Variants in RRN3 observed in about 807,000 individuals in gnomAD.
RRN3 encodes RNA polymerase I-specific transcription initiation factor RRN3.
RRN3 carries 38 observed loss-of-function variants against 82.3 expected under a neutral mutation model. The observed-to-expected ratio is 0.46, with a 90% CI of 0.36 to 0.61. RRN3 has a LOEUF of 0.61. Ranked by LOEUF, RRN3 falls within the 20% of genes least tolerant of loss-of-function variation. The pLI is 0.00. For synonymous variants in RRN3, 284 were observed against 284.3 expected (o/e 1.00, Z 0.01); for missense variants, 726 against 793.1 (o/e 0.92, Z 1.02).
intron 6 of RRN3, among the ~76,000 whole-genome samples, 159 bp downstream of exon 6, chr16:15,085,480 T>C (rs1056475074): frequency 6.6e-6 from 1 of 152,154 alleles, no homozygotes; most frequent in African/African-American, 2.4e-5. Context: ...AGAAAATATT[T>C]GAAAAAAAAT....
At chr16:15,081,026 T>A (rs1404973910) in intron 8 of RRN3, among the ~76,000 whole-genome samples, 1 of 152,218 alleles carries the variant, frequency 6.6e-6, no homozygotes, top group African/African-American at 2.4e-5. Flanking sequence ...TCTTTTGGCA[T>A]GTTTTTAGGG....
intron 8 of RRN3, among the ~76,000 whole-genome samples, chr16:15,082,058 G>C (rs1241877942): frequency 6.6e-6 from 1 of 152,200 alleles, no homozygotes; most frequent in African/African-American, 2.4e-5. Flanking sequence ...CCTTGCAAAA[G>C]AGAGTTTACG....
At chr16:15,092,997 T>G (rs1160475504) in intron 1 of RRN3, among the ~76,000 whole-genome samples, 1 of 152,146 alleles carries the variant, frequency 6.6e-6, no homozygotes, top group Non-Finnish European at 1.5e-5. Context: ...TTCCCAAATC[T>G]CTACGTGGCT....
At chr16:15,086,316 C>T (rs2045915146) in intron 4 of RRN3, 49 bp downstream of exon 4, 1 of 1,607,864 alleles carries the variant, frequency 6.2e-7, no homozygotes, top group African/African-American at 1.3e-5. Flanking sequence ...TATACTATTA[C>T]CAAAGTTCTG....
chr16:15,090,569 C>G (rs2089716), intron 3 of RRN3, among the ~76,000 whole-genome samples: 1 of 152,166 alleles, frequency 6.6e-6, no homozygotes, highest in Non-Finnish European at 1.5e-5. Context: ...TGTGAATAGC[C>G]AGAGCAACAC....
intron 8 of RRN3, among the ~76,000 whole-genome samples, chr16:15,082,217 T>G (rs1267536275): frequency 6.6e-6 from 1 of 152,154 alleles, no homozygotes; most frequent in Non-Finnish European, 1.5e-5. Context: ...TAGCTGTGGG[T>G]TTTTCAGATG....
rs1346163513 is a variant in RRN3, at chr16:15,074,864, T to C, written c.859-3A>G. On this transcript the variant is annotated splice_polypyrimidine_tract_variant and splice_region_variant and intron_variant, in intron 10 of 17. Coordinates refer to ENST00000198767, the MANE Select transcript of RRN3 (RefSeq NM_018427.5). The stretch of plus-strand genomic sequence containing the variant: ...TGTTCAGTTTCTTCATCTTCATCCT[T>C]TGAAGACAAAAAGTAAATACTAACA... 6.2e-7 allele frequency: 1 copy of C among 1,603,522 alleles called. No homozygotes were observed. Among genetic ancestry groups the C allele is most frequent in the East Asian group, 2.2e-5 (1 of 44,774 alleles).
chr16:15,085,546 G>A, intron 6 of RRN3, 93 bp downstream of exon 6: 2 of 1,555,688 alleles, frequency 1.3e-6, no homozygotes, highest in Admixed American at 1.9e-5. Context: ...TCAAACTCTT[G>A]GCCTCAAGTG....
At chr16:15,086,015 G>A (rs1049551246) in intron 5 of RRN3, 114 bp downstream of exon 5, 18 of 728,078 alleles carry the variant, frequency 2.5e-5, no homozygotes, top group African/African-American at 2.3e-4. Flanking sequence ...ACCAGACCTG[G>A]TGCCAATATG....
chr16:15,062,858 G>T (rs1202045064), intron 17 of RRN3, among the ~76,000 whole-genome samples: 3 of 152,172 alleles, frequency 2.0e-5, no homozygotes, highest in Non-Finnish European at 4.4e-5. Flanking sequence ...AGTAAGACAC[G>T]GTTTTGGTGT....
intron 15 of RRN3, 56 bp downstream of exon 15, chr16:15,068,113 A>G: frequency 6.7e-7 from 1 of 1,493,334 alleles, no homozygotes; most frequent in Non-Finnish European, 9.1e-7. Context: ...AATACTAGAT[A>G]AACATAAATA....
chr16:15,087,975 G>A (rs1463504954), intron 3 of RRN3, among the ~76,000 whole-genome samples: 5 of 152,108 alleles, frequency 3.3e-5, no homozygotes, highest in East Asian at 1.9e-4. Flanking sequence ...TTAGCTGGGC[G>A]TGGTGGTGCA....
chr16:15,085,281 T>C (rs2045872907), intron 6 of RRN3, among the ~76,000 whole-genome samples: 1 of 152,184 alleles, frequency 6.6e-6, no homozygotes, highest in Non-Finnish European at 1.5e-5. Flanking sequence ...TTGTCATTTG[T>C]TGCAGTCTAC....
intron 3 of RRN3, among the ~76,000 whole-genome samples, chr16:15,087,872 T>C (rs1415265865): frequency 6.6e-6 from 1 of 152,122 alleles, no homozygotes; most frequent in Non-Finnish European, 1.5e-5. Flanking sequence ...CCCAACACTT[T>C]GGGAGGCCGA....
rs986164963 is a variant in RRN3 at position 15,060,866 on chromosome 16, G to C, written c.*878C>G. 5 of 152,178 alleles carry C rather than the reference G, an allele frequency of 3.3e-5. No homozygotes were observed. Among genetic ancestry groups the C allele is most frequent in the African/African-American group, 1.2e-4 (5 of 41,430 alleles). The allele number at this position is 152,178 out of a possible 1,614,324, so 9.4% of individuals were successfully genotyped here. On this transcript the variant is annotated 3_prime_UTR_variant, in exon 18 of 18. Transcript: ENST00000198767. Reference sequence around the variant, plus strand: ...AAATTCCCAATAACTAAGTGATGCAGATCAAAACTGACTCGATCTAATGGC... The same window carrying C: ...AAATTCCCAATAACTAAGTGATGCACATCAAAACTGACTCGATCTAATGGC...
chr16:15,071,337 A>G (rs2045218532), intron 12 of RRN3, 86 bp from the exon 13 acceptor site: 1 of 1,281,670 alleles, frequency 7.8e-7, no homozygotes, highest in Admixed American at 2.3e-5. Flanking sequence ...TACTTCACCA[A>G]TGTAGGGAAA....
intron 15 of RRN3, 48 bp downstream of exon 15, chr16:15,068,121 A>G: frequency 6.7e-7 from 1 of 1,491,232 alleles, no homozygotes; most frequent in South Asian, 1.2e-5. Flanking sequence ...ATAAACATAA[A>G]TAAAAATATT....
chr16:15,089,848 G>A (rs1272827170), intron 3 of RRN3, among the ~76,000 whole-genome samples: 10 of 144,466 alleles, frequency 6.9e-5, no homozygotes, highest in Non-Finnish European at 1.1e-4. Flanking sequence ...GATCAGAAAC[G>A]CTGAAGTTTT....
rs1486194372 is a variant in RRN3 at position 15,084,703 on chromosome 16, G to T, written c.535C>A (p.Leu179Ile). The T allele has an allele frequency of 2.5e-6, 4 of 1,611,804 alleles. No individual in the cohort carries two copies. The African/African-American group carries it at 5.3e-5, about 21-fold the overall frequency. The change falls in exon 7 of 18, where the codon CTT (leucine) becomes ATT (isoleucine). Residue 179 changes from leucine (L) to isoleucine (I), a missense_variant and splice_region_variant. By Grantham distance (5) the Leu-to-Ile change is conservative. Around this residue, in one of 4 missense-constraint regions of RRN3, gnomAD observed 344 missense variants for 394.5 expected, o/e 0.87. Transcript: ENST00000198767. ...VSDSDDEDDN[L>I]PANFDTCHRA... ...TGACATGTGTCAAAATTTGCAGGAA[G>T]ATCTGAAAGGAGAAAAGTTCAGAGT...
Sources: allele counts gnomAD v4.1 joint callset (sites outside exome capture counted in the v4.1 genomes callset), GRCh38; gene constraint gnomAD v4.1.1; regional missense constraint gnomAD v4.1.1; transcripts MANE v1.5; gene names NCBI Gene and HGNC (gene_info 2026-07-23, HGNC 2026-07-21).